The following CMIP variants were observed in gnomAD, a reference collection of about 807,000 sequenced individuals.
CMIP encodes the protein c-Maf inducing protein.
In CMIP, 13 loss-of-function variants were observed where a neutral mutation model predicts 97.3. That is an observed-to-expected ratio of 0.13 (90% CI 0.09 to 0.21). CMIP has a LOEUF of 0.21. Among genes scored for constraint, CMIP ranks in the 10% least tolerant of loss-of-function variants. CMIP has a pLI of 1.00. For synonymous variants in CMIP, 538 were observed against 436.3 expected (o/e 1.23, Z -2.91); for missense variants, 847 against 1,024.9 (o/e 0.83, Z 2.37).
At chr16:81,484,160 G>C (rs769125861) in intron 1 of CMIP, among the ~76,000 whole-genome samples, 4 of 152,030 alleles carry the variant, frequency 2.6e-5, no homozygotes, top group Non-Finnish European at 5.9e-5. Flanking sequence ...ACCAACTCCA[G>C]GTCAGCTCAG....
chr16:81,703,005 C>T (rs1037117748), intron 17 of CMIP, among the ~76,000 whole-genome samples: 2 of 152,052 alleles, frequency 1.3e-5, no homozygotes, highest in African/African-American at 4.8e-5. Flanking sequence ...CACAGCAACC[C>T]TTGGAAGCTT....
intron 4 of CMIP, 58 bp from the exon 5 acceptor site, chr16:81,657,717 G>C (rs1029913258): frequency 3.6e-6 from 5 of 1,400,974 alleles, no homozygotes; most frequent in Non-Finnish European, 4.9e-6. Context: ...CCAAATGCTC[G>C]TTTTCTTAAT....
At chr16:81,671,351 A>T (rs879881213) in intron 8 of CMIP, among the ~76,000 whole-genome samples, 3 of 152,216 alleles carry the variant, frequency 2.0e-5, no homozygotes, top group Non-Finnish European at 4.4e-5. Context: ...CTTCCCAGAA[A>T]TGGTACAGGT....
rs200976940 is a variant in CMIP at position 81,670,258 on chromosome 16, C to G, written c.929+13C>G. 119 of 1,597,944 alleles carry G rather than the reference C, an allele frequency of 7.4e-5. No individual in the cohort carries two copies. The African/African-American group carries it at 1.5e-3, about 20-fold the overall frequency. Reference sequence around the variant, plus strand: ...AGTTCATTCAGAGGTGGGTCTCCGGCGCGACGTCCCTCTGTGGCCTAGGAG... The same window carrying G: ...AGTTCATTCAGAGGTGGGTCTCCGGGGCGACGTCCCTCTGTGGCCTAGGAG... On this transcript the variant is annotated intron_variant, in intron 8 of 20. Transcript: ENST00000537098.
rs925454511 is a variant in CMIP, at chr16:81,710,607, C to G, written c.*808C>G. ...GTAATGGATTCTCTATGCTAATGCT[C>G]TCTCGTCTGTCTGTCTGTCTGCCCA... On this transcript the variant is annotated 3_prime_UTR_variant, in exon 21 of 21. Coordinates refer to ENST00000537098, the MANE Select transcript of CMIP (RefSeq NM_198390.3). The G allele has an allele frequency of 2.0e-5, 3 of 152,158 alleles. No individual in the cohort carries two copies. Among genetic ancestry groups the G allele is most frequent in the Non-Finnish European group, 2.9e-5 (2 of 67,980 alleles). The allele number at this position is 152,158 out of a possible 1,614,324, so 9.4% of individuals were successfully genotyped here.
rs185159342 is a variant in CMIP, at chr16:81,711,569, A to G, written c.*1770A>G. On this transcript the variant is annotated 3_prime_UTR_variant, in exon 21 of 21. Transcript: ENST00000537098. ...CTCTGGTGCGGGAAGAAGCAGAAGC[A>G]AAAAAAATAAAAATAAAAAAATAAA... 30 of 148,380 alleles carry G rather than the reference A, an allele frequency of 2.0e-4. No homozygotes were observed. Among genetic ancestry groups the G allele is most frequent in the African/African-American group, 6.9e-4 (28 of 40,486 alleles). 9.2% of individuals were successfully genotyped at this position (148,380 alleles called of 1,614,324 possible).
At chr16:81,535,237 A>G (rs532235191) in intron 1 of CMIP, among the ~76,000 whole-genome samples, 15 of 152,344 alleles carry the variant, frequency 9.8e-5, no homozygotes, top group African/African-American at 3.6e-4. Context: ...GGTGTGAGCC[A>G]CCACGTGGCC....
At chr16:81,501,672 C>T (rs537897500) in intron 1 of CMIP, among the ~76,000 whole-genome samples, 15 of 148,084 alleles carry the variant, frequency 1.0e-4, no homozygotes, top group African/African-American at 3.5e-4. Context: ...AGTGCAGTGT[C>T]GTGATCTCAG....
chr16:81,626,188 T>G (rs1270467207), intron 3 of CMIP, among the ~76,000 whole-genome samples: 1 of 151,748 alleles, frequency 6.6e-6, no homozygotes. Flanking sequence ...GAATGTGGGG[T>G]GTGTGAGTGT....
intron 10 of CMIP, among the ~76,000 whole-genome samples, chr16:81,687,868 C>T (rs903064838): frequency 6.6e-6 from 1 of 152,214 alleles, no homozygotes; most frequent in African/African-American, 2.4e-5. Flanking sequence ...TATTGCTTCC[C>T]TGCTGTGGCC....
At chr16:81,693,664 G>C (rs1352080936) in intron 13 of CMIP, among the ~76,000 whole-genome samples, 177 bp downstream of exon 13, 1 of 152,198 alleles carries the variant, frequency 6.6e-6, no homozygotes, top group Admixed American at 6.5e-5. Flanking sequence ...TGTGATGTCA[G>C]TGTTTTACTG....
chr16:81,702,993 C>T (rs903175629), intron 17 of CMIP, among the ~76,000 whole-genome samples: 2 of 152,084 alleles, frequency 1.3e-5, no homozygotes, highest in Non-Finnish European at 2.9e-5. Context: ...TTGTTTTATC[C>T]TCACAGCAAC....
intron 3 of CMIP, chr16:81,645,308 T>C: frequency 8.1e-7 from 1 of 1,237,320 alleles, no homozygotes; most frequent in South Asian, 1.6e-5. Context: ...GGCGCGCCCG[T>C]GCAGCGTCCT....
At chr16:81,457,780 C>T (rs912051240) in intron 1 of CMIP, among the ~76,000 whole-genome samples, 1 of 152,226 alleles carries the variant, frequency 6.6e-6, no homozygotes, top group Non-Finnish European at 1.5e-5. Flanking sequence ...AACTGGCCCA[C>T]AGGAGGTCTG....
chr16:81,592,815 G>C (rs2091486289), intron 1 of CMIP, among the ~76,000 whole-genome samples: 1 of 152,220 alleles, frequency 6.6e-6, no homozygotes, highest in African/African-American at 2.4e-5. Context: ...CCTGGAGGCT[G>C]CTTTGGTGAG....
chr16:81,504,636 C>T (rs1202195750), intron 1 of CMIP, among the ~76,000 whole-genome samples: 4 of 86,756 alleles, frequency 4.6e-5, no homozygotes, highest in Admixed American at 3.6e-4. Flanking sequence ...GAGTGAGACT[C>T]GTCTCAAAAA....
At position 81,541,132 on chromosome 16, in the gene CMIP, A is replaced by G. The variant is rs1196906067; in HGVS notation, c.301-66435A>G. On this transcript the variant is annotated intron_variant, in intron 1 of 20. Coordinates refer to ENST00000537098, the MANE Select transcript of CMIP (RefSeq NM_198390.3). ...TTATTCTTGTGAAAAGCAGTGCCTTAACAGAAAAGTCTGAAGTTCCCCTTC... is the reference window on the plus strand; with the variant it reads ...TTATTCTTGTGAAAAGCAGTGCCTTGACAGAAAAGTCTGAAGTTCCCCTTC... Among the ~76,000 whole-genome samples the G allele has an allele frequency of 3.3e-5, 5 of 152,134 alleles. No individual in the cohort carries two copies. The East Asian group carries it at 7.7e-4, about 23-fold the overall frequency.
rs370121347 is a variant in CMIP at position 81,678,643 on chromosome 16, C to CCG, written c.1388+15_1388+16insCG. 4.0e-5 allele frequency: 53 copies of CCG among 1,327,320 alleles called. No individual in the cohort carries two copies. The highest frequency in any genetic ancestry group is 5.1e-5 in the Non-Finnish European group (48 of 941,134). 82.2% of individuals were successfully genotyped at this position (1,327,320 alleles called of 1,614,324 possible). On this transcript the variant is annotated intron_variant, in intron 10 of 20. Coordinates refer to ENST00000537098, the MANE Select transcript of CMIP (RefSeq NM_198390.3). ...CTCAAGCTGCTGTGAGTGCCCCCCC[C>CCG]GCGTGCCCGCCCCCGGGGCCGGTGG...
chr16:81,566,582 C>T (rs2090987540), intron 1 of CMIP, among the ~76,000 whole-genome samples: 1 of 152,216 alleles, frequency 6.6e-6, no homozygotes, highest in South Asian at 2.1e-4. Context: ...TGCCTGCTTA[C>T]CAGGTCTTGG....
Sources: allele counts gnomAD v4.1 joint callset (sites outside exome capture counted in the v4.1 genomes callset), GRCh38; gene constraint gnomAD v4.1.1; transcripts MANE v1.5; gene names NCBI Gene and HGNC (gene_info 2026-07-23, HGNC 2026-07-21).